The following TOX3 variants were observed in gnomAD, a reference collection of about 807,000 sequenced individuals.
The protein encoded by TOX3 is CAG trinucleotide repeat-containing gene F9 protein.
In TOX3, 22 loss-of-function variants were observed where a neutral mutation model predicts 64.3. The observed-to-expected ratio is 0.34, with a 90% CI of 0.24 to 0.49. TOX3 has a LOEUF of 0.49. Ranked by LOEUF, TOX3 falls within the 20% of genes least tolerant of loss-of-function variation. The pLI, the probability that TOX3 is intolerant of heterozygous loss-of-function variation, is 0.99. For synonymous variants in TOX3, 291 were observed against 273.6 expected, an observed-to-expected ratio of 1.06 and a Z score of -0.63; for missense variants, 661 against 714.4, an observed-to-expected ratio of 0.93 and a Z score of 0.85.
chr16:52,480,935 T>TA (rs1435334373), intron 1 of TOX3, among the ~76,000 whole-genome samples: 1 of 152,058 alleles, frequency 6.6e-6, no homozygotes, highest in Non-Finnish European at 1.5e-5. Flanking sequence ...GAGAGTTTTT[T>TA]TTTTTTATTG....
chr16:52,462,279 C>T (rs1428729184), intron 3 of TOX3, among the ~76,000 whole-genome samples: 2 of 152,114 alleles, frequency 1.3e-5, no homozygotes, highest in African/African-American at 2.4e-5. Context: ...AGTCCTCTTT[C>T]CCAACGCCAG....
At chr16:52,467,412 T>A (rs1168684521) in intron 2 of TOX3, among the ~76,000 whole-genome samples, 2 of 152,228 alleles carry the variant, frequency 1.3e-5, no homozygotes, top group Non-Finnish European at 2.9e-5. Flanking sequence ...TAAAAATGAT[T>A]AATCTAGGAA....
At position 52,437,789 on chromosome 16, in the gene TOX3, TAAAAAAAA is replaced by T. The variant is rs67145443; in HGVS notation, c.*1428_*1435del. On this transcript the variant is annotated 3_prime_UTR_variant, in exon 7 of 7. Transcript: ENST00000219746. ...CTATACTTACCTTGTACTTGCATCT[TAAAAAAAA>T]AAAAAAAAAAAAAAAAGACAATTAC... Among the ~76,000 whole-genome samples the T allele has an allele frequency of 7.2e-5, 8 of 111,370 alleles. No individual in the cohort carries two copies. The highest frequency in any genetic ancestry group is 2.7e-4 in the East Asian group (1 of 3,752). The allele number at this position is 111,370 out of a possible 152,430, so 73.1% of individuals were successfully genotyped here. A position where few individuals can be genotyped will look rare whatever the true frequency, so the allele number is the denominator to read the frequency against.
At chr16:52,534,362 G>T (rs888457597) in intron 1 of TOX3, among the ~76,000 whole-genome samples, 2 of 152,202 alleles carry the variant, frequency 1.3e-5, no homozygotes, top group African/African-American at 4.8e-5. Context: ...GGTTGGCTAG[G>T]TGCAGTGGCT....
At chr16:52,520,228 C>A (rs538140964) in intron 1 of TOX3, among the ~76,000 whole-genome samples, 42 of 152,120 alleles carry the variant, frequency 2.8e-4, no homozygotes, top group Non-Finnish European at 5.4e-4. Context: ...GGTTGAACAC[C>A]TTCAGTTTTC....
chr16:52,490,053 T>A (rs1961634962), intron 1 of TOX3, among the ~76,000 whole-genome samples: 1 of 152,186 alleles, frequency 6.6e-6, no homozygotes, highest in South Asian at 2.1e-4. Context: ...TGATGACAGG[T>A]GTAAGCTACC....
At chr16:52,457,364 T>C (rs1454089339) in intron 3 of TOX3, among the ~76,000 whole-genome samples, 2 of 152,314 alleles carry the variant, frequency 1.3e-5, no homozygotes, top group African/African-American at 4.8e-5. Context: ...TTTTAAATTC[T>C]AATATGCAAA....
At chr16:52,476,637 A>G (rs1275563512) in intron 1 of TOX3, among the ~76,000 whole-genome samples, 3 of 152,172 alleles carry the variant, frequency 2.0e-5, no homozygotes, top group South Asian at 2.1e-4. Flanking sequence ...AAAAAATCCA[A>G]TGGTAACACA....
At chr16:52,534,369 G>A (rs936324101) in intron 1 of TOX3, among the ~76,000 whole-genome samples, 1 of 152,182 alleles carries the variant, frequency 6.6e-6, no homozygotes. Context: ...TAGGTGCAGT[G>A]GCTCATGTCT....
At chr16:52,512,404 A>C (rs1962335113) in intron 1 of TOX3, among the ~76,000 whole-genome samples, 1 of 152,208 alleles carries the variant, frequency 6.6e-6, no homozygotes, top group Non-Finnish European at 1.5e-5. Context: ...CTCCAGAGAT[A>C]ATCCAACCAA....
intron 5 of TOX3, 65 bp downstream of exon 5, chr16:52,445,929 G>T: frequency 6.9e-7 from 1 of 1,444,308 alleles, no homozygotes; most frequent in Non-Finnish European, 9.6e-7. Context: ...CTTGGAAAAG[G>T]TGTGAGGAAT....
rs1959759433 is a variant in TOX3 at position 52,436,520 on chromosome 16, G to A, written c.*2705C>T. Among the ~76,000 whole-genome samples, 1 of 152,124 alleles carries A rather than the reference G, an allele frequency of 6.6e-6. No homozygotes were observed. The highest frequency in any genetic ancestry group is 1.5e-5 in the Non-Finnish European group (1 of 68,036). On this transcript the variant is annotated 3_prime_UTR_variant, in exon 7 of 7. Coordinates refer to ENST00000219746, the MANE Select transcript of TOX3 (RefSeq NM_001080430.4). ...TAGAAACCAGTCATATGTATAAACT[G>A]AAATATAAATGGATATATAACATGC...
chr16:52,524,670 C>T (rs1962684927), intron 1 of TOX3, among the ~76,000 whole-genome samples: 1 of 152,164 alleles, frequency 6.6e-6, no homozygotes, highest in Admixed American at 6.5e-5. Context: ...CCATCCCTCA[C>T]CCCAGTTTCA....
chr16:52,444,499 GCACACA>G lies in TOX3; in HGVS notation c.907-149_907-144del, dbSNP rs200173557. Reference sequence around the variant, plus strand: ...CTTTGATTTTTAAATGTTAGCGCATGCACACACACACACACACACACACACACACAC... The same window carrying G: ...CTTTGATTTTTAAATGTTAGCGCATGCACACACACACACACACACACACAC... On this transcript the variant is annotated intron_variant, in intron 5 of 6. Transcript: ENST00000219746. 404 of 380,582 alleles carry G rather than the reference GCACACA, an allele frequency of 1.1e-3. 1 individual carries two copies. The highest frequency in any genetic ancestry group is 3.2e-3 in the African/African-American group (145 of 44,858). The allele number at this position is 380,582 out of a possible 1,614,324, so 23.6% of individuals were successfully genotyped here.
intron 3 of TOX3, 114 bp downstream of exon 3, chr16:52,463,820 G>T: frequency 1.5e-6 from 2 of 1,297,372 alleles, no homozygotes; most frequent in South Asian, 4.1e-5. Context: ...AATAGCACTA[G>T]AATCAATCCA....
intron 6 of TOX3, 142 bp from the exon 7 acceptor site, chr16:52,440,110 G>T: frequency 1.4e-6 from 1 of 691,456 alleles, no homozygotes; most frequent in African/African-American, 1.8e-5. Context: ...TTTGTCTTGT[G>T]ACTTTTTCAC....
chr16:52,510,649 G>A (rs1009938075), intron 1 of TOX3, among the ~76,000 whole-genome samples: 1 of 151,538 alleles, frequency 6.6e-6, no homozygotes, highest in Non-Finnish European at 1.5e-5. Flanking sequence ...CCAGCTGCTT[G>A]GGGCGCTGAG....
At chr16:52,534,079 G>A (rs1169750689) in intron 1 of TOX3, among the ~76,000 whole-genome samples, 1 of 152,188 alleles carries the variant, frequency 6.6e-6, no homozygotes, top group Non-Finnish European at 1.5e-5. Flanking sequence ...GACTGGGACT[G>A]CAAAAGAGTA....
In TOX3 at chr16:52,546,856, C is replaced by T. The variant is rs1348723517; in HGVS notation, c.-133G>A. The T allele has an allele frequency of 8.2e-7, 1 of 1,226,830 alleles. No homozygotes were observed. The highest frequency in any genetic ancestry group is 1.0e-6 in the Non-Finnish European group (1 of 983,580). 76.0% of individuals were successfully genotyped at this position (1,226,830 alleles called of 1,614,324 possible). A position where few individuals can be genotyped will look rare whatever the true frequency, so the allele number is the denominator to read the frequency against. ...GTGGGACTCGCGGCCGGAGGGGCGC[C>T]GGGACCCAGAGCCCGAGGAGCTCGG... On this transcript the variant is annotated 5_prime_UTR_variant, in exon 1 of 7. Coordinates refer to ENST00000219746, the MANE Select transcript of TOX3 (RefSeq NM_001080430.4).
Sources: gnomAD v4.1 joint callset for allele counts (sites outside exome capture counted in the v4.1 genomes callset) on GRCh38, gnomAD v4.1.1 for gene constraint, MANE v1.5 for transcripts, NCBI Gene and HGNC (gene_info 2026-07-23, HGNC 2026-07-21) for gene names.